The following COL8A1 variants were observed in gnomAD, a reference collection of about 807,000 sequenced individuals.
COL8A1 encodes the protein collagen alpha-1(VIII) chain.
In COL8A1, 21 loss-of-function variants were observed where a neutral mutation model predicts 42.7. That is an observed-to-expected ratio of 0.49 (90% CI 0.35 to 0.71). The LOEUF (loss-of-function observed/expected upper bound fraction) is 0.71, where lower values mean the gene tolerates loss of function less well. Among genes scored for constraint, COL8A1 ranks in the 30% least tolerant of loss-of-function variants. The pLI is 0.01. For missense variants in COL8A1, 788 were observed against 962.4 expected (o/e 0.82, Z 2.40); for synonymous variants, 367 against 369.1 (o/e 0.99, Z 0.06).
intron 1 of COL8A1, among the ~76,000 whole-genome samples, chr3:99,675,294 C>G (rs1200195657): frequency 6.6e-6 from 1 of 151,896 alleles, no homozygotes; most frequent in Non-Finnish European, 1.5e-5. Context: ...TATTTTTGGC[C>G]ATGAGAAAAA....
chr3:99,735,742 G>A (rs1230160033), intron 1 of COL8A1, among the ~76,000 whole-genome samples: 5 of 151,920 alleles, frequency 3.3e-5, no homozygotes, highest in African/African-American at 1.2e-4. Context: ...GCTCCTCCTT[G>A]TACCTCTGGT....
chr3:99,665,848 A>ATT (rs537279334), intron 1 of COL8A1, among the ~76,000 whole-genome samples: 10 of 134,280 alleles, frequency 7.4e-5, no homozygotes, highest in South Asian at 2.4e-4. Context: ...CACTTAGCTA[A>ATT]TTTTTTTTTT....
chr3:99,729,913 A>T (rs1940450767), intron 1 of COL8A1, among the ~76,000 whole-genome samples: 1 of 152,088 alleles, frequency 6.6e-6, no homozygotes, highest in South Asian at 2.1e-4. Context: ...TACAACACAA[A>T]TGTGCAGTCC....
At chr3:99,747,585 C>A (rs1332779614) in intron 2 of COL8A1, among the ~76,000 whole-genome samples, 5 of 152,140 alleles carry the variant, frequency 3.3e-5, no homozygotes, top group Non-Finnish European at 5.9e-5. Context: ...GTGGGGAAAC[C>A]ACAGTTCATT....
chr3:99,701,577 T>C (rs1011954418), intron 1 of COL8A1, among the ~76,000 whole-genome samples: 2 of 152,322 alleles, frequency 1.3e-5, no homozygotes, highest in East Asian at 3.9e-4. Flanking sequence ...AGAGGTTTCA[T>C]TGAGTGAGAG....
chr3:99,674,717 G>A (rs186217501), intron 1 of COL8A1, among the ~76,000 whole-genome samples: 1 of 152,060 alleles, frequency 6.6e-6, no homozygotes, highest in Non-Finnish European at 1.5e-5. Context: ...CTCAACAACT[G>A]TGTTGCTGAA....
At chr3:99,699,501 T>A (rs548224612) in intron 1 of COL8A1, among the ~76,000 whole-genome samples, 1 of 152,322 alleles carries the variant, frequency 6.6e-6, no homozygotes, top group East Asian at 1.9e-4. Flanking sequence ...GACAGACAGA[T>A]GATCAAAGGT....
chr3:99,702,386 A>G (rs1046201412), intron 1 of COL8A1, among the ~76,000 whole-genome samples: 3 of 152,232 alleles, frequency 2.0e-5, no homozygotes, highest in African/African-American at 7.2e-5. Context: ...CTTAACCATT[A>G]TTGTCATGCA....
At chr3:99,778,973 C>A (rs766161752) in intron 2 of COL8A1, among the ~76,000 whole-genome samples, 4 of 152,190 alleles carry the variant, frequency 2.6e-5, no homozygotes, top group African/African-American at 9.7e-5. Context: ...TGTTACATGG[C>A]ATGTCCCTCC....
intron 1 of COL8A1, among the ~76,000 whole-genome samples, chr3:99,660,239 G>T (rs574934058): frequency 5.3e-5 from 8 of 152,330 alleles, no homozygotes; most frequent in Middle Eastern, 3.4e-3. Context: ...TCCAAAGTCA[G>T]TGTAGGGACC....
At chr3:99,650,601 AT>A (rs1176794030) in intron 1 of COL8A1, among the ~76,000 whole-genome samples, 3 of 151,796 alleles carry the variant, frequency 2.0e-5, no homozygotes, top group Non-Finnish European at 4.4e-5. Flanking sequence ...CACCCAGCTA[AT>A]TTTTGTATTT....
At chr3:99,655,918 G>A (rs1938003896) in intron 1 of COL8A1, among the ~76,000 whole-genome samples, 1 of 152,078 alleles carries the variant, frequency 6.6e-6, no homozygotes, top group African/African-American at 2.4e-5. Flanking sequence ...AAAGTATGGA[G>A]GCCTAACAAG....
intron 2 of COL8A1, among the ~76,000 whole-genome samples, chr3:99,750,012 G>A (rs1376328674): frequency 7.2e-6 from 1 of 138,190 alleles, no homozygotes; most frequent in Non-Finnish European, 1.6e-5. Flanking sequence ...AAAATAGAAT[G>A]TATAACTTGT....
chr3:99,761,666 C>T (rs1217424418), intron 2 of COL8A1, among the ~76,000 whole-genome samples: 2 of 152,124 alleles, frequency 1.3e-5, no homozygotes, highest in Non-Finnish European at 2.9e-5. Flanking sequence ...TCCCCAGGAA[C>T]AATAAGGGGA....
Position 99,795,634 on chromosome 3 carries a change from C to A in COL8A1, c.1733C>A (p.Pro578Gln), listed in dbSNP as rs2107460746. 1 of 1,613,866 alleles carries A rather than the reference C, an allele frequency of 6.2e-7. No individual in the cohort carries two copies. The highest frequency in any genetic ancestry group is 2.2e-5 in the East Asian group (1 of 44,864). Residue 578 changes from proline (P) to glutamine (Q), a missense_variant, in exon 4 of 4, where the codon CCA becomes CAA. By Grantham distance (76) the Pro-to-Gln change is moderately conservative. Coordinates refer to ENST00000652472, the MANE Select transcript of COL8A1 (RefSeq NM_020351.4). ...PGPPAVMPPT[P>Q]PPQGEYLPDM... ...CCCCCAGCTGTGATGCCCCCTACAC[C>A]ACCACCCCAGGGAGAGTATCTGCCA...
intron 1 of COL8A1, among the ~76,000 whole-genome samples, chr3:99,732,077 G>A (rs1418480888): frequency 3.3e-5 from 5 of 151,940 alleles, no homozygotes; most frequent in Non-Finnish European, 5.9e-5. Flanking sequence ...TCTTGATTTC[G>A]GACTTCCAGA....
chr3:99,669,052 T>C (rs1337765572), intron 1 of COL8A1, among the ~76,000 whole-genome samples: 1 of 150,466 alleles, frequency 6.6e-6, no homozygotes, highest in Admixed American at 6.7e-5. Flanking sequence ...TGAGGTATCA[T>C]CTGAAAATTC....
At chr3:99,728,317 T>G (rs1940399224) in intron 1 of COL8A1, among the ~76,000 whole-genome samples, 1 of 152,134 alleles carries the variant, frequency 6.6e-6, no homozygotes, top group Non-Finnish European at 1.5e-5. Flanking sequence ...CTGCTCGTTC[T>G]ACCAAGATTC....
intron 2 of COL8A1, among the ~76,000 whole-genome samples, chr3:99,760,538 T>C (rs770356489): frequency 8.5e-5 from 13 of 152,204 alleles, no homozygotes; most frequent in Admixed American, 2.0e-4. Context: ...ATTCTAAAAA[T>C]GTCCAAGGAC....
Sources: allele counts gnomAD v4.1 joint callset (sites outside exome capture counted in the v4.1 genomes callset), GRCh38; gene constraint gnomAD v4.1.1; transcripts MANE v1.5; gene names NCBI Gene and HGNC (gene_info 2026-07-23, HGNC 2026-07-21).